The following KITLG variants were observed in gnomAD, a reference collection of about 807,000 sequenced individuals.
KITLG encodes c-Kit ligand.
Under a neutral mutation model 34.1 loss-of-function variants are expected in KITLG, and 13 were observed. That is an observed-to-expected ratio of 0.38 (90% CI 0.25 to 0.61). The LOEUF (loss-of-function observed/expected upper bound fraction) is 0.61. Among genes scored for constraint, KITLG ranks in the 20% least tolerant of loss-of-function variants. The probability of loss-of-function intolerance (pLI) is 0.60; values close to 1 mark genes in which losing one functional copy is unlikely to be tolerated. For synonymous variants in KITLG, 110 were observed against 104.0 expected (o/e 1.06, Z -0.35); for missense variants, 292 against 318.9 (o/e 0.92, Z 0.64).
At chr12:88,579,973 T>A in intron 1 of KITLG, 1 of 578,620 alleles carries the variant, frequency 1.7e-6, no homozygotes, top group Non-Finnish European at 3.1e-6. Context: ...AAAGCCAATC[T>A]TTCCACCAGA....
chr12:88,543,680 C>G (rs937712800), intron 2 of KITLG, among the ~76,000 whole-genome samples: 1 of 152,148 alleles, frequency 6.6e-6, no homozygotes, highest in Non-Finnish European at 1.5e-5. Context: ...ACTTTGCTTT[C>G]CCCGCCCTTC....
intron 1 of KITLG, among the ~76,000 whole-genome samples, chr12:88,565,930 C>CA (rs1427931080): frequency 6.6e-6 from 1 of 152,112 alleles, no homozygotes; most frequent in Non-Finnish European, 1.5e-5. Context: ...TCATCATCAT[C>CA]AACAATATTC....
chr12:88,521,183 T>G (rs1349545211), intron 3 of KITLG, among the ~76,000 whole-genome samples: 3 of 152,200 alleles, frequency 2.0e-5, no homozygotes, highest in Non-Finnish European at 4.4e-5. Context: ...TATATTGGCT[T>G]TTTAAGATTC....
intron 2 of KITLG, among the ~76,000 whole-genome samples, chr12:88,541,478 G>T (rs192580639): frequency 6.6e-6 from 1 of 152,112 alleles, no homozygotes; most frequent in Non-Finnish European, 1.5e-5. Context: ...CACAAACAAA[G>T]AGAAGAGTAG....
chr12:88,502,944 T>A (rs563598081), intron 9 of KITLG, among the ~76,000 whole-genome samples: 49 of 151,740 alleles, frequency 3.2e-4, no homozygotes, highest in African/African-American at 1.1e-3. Context: ...ATCTTATGGT[T>A]CAAAGGCAAA....
intron 3 of KITLG, among the ~76,000 whole-genome samples, chr12:88,526,803 T>C (rs1460859352): frequency 6.6e-6 from 1 of 150,872 alleles, no homozygotes; most frequent in African/African-American, 2.4e-5. Context: ...AGCAAGGAAC[T>C]GGTAACGATA....
At chr12:88,524,746 C>CA (rs1869803227) in intron 3 of KITLG, among the ~76,000 whole-genome samples, 1 of 152,096 alleles carries the variant, frequency 6.6e-6, no homozygotes, top group African/African-American at 2.4e-5. Context: ...GTACAGTATA[C>CA]AAAAGAACTA....
At position 88,545,742 on chromosome 12, in the gene KITLG, CCTTA is replaced by C. The variant is rs771842208; in HGVS notation, c.129+6_129+9del. On this transcript the variant is annotated splice_donor_region_variant and intron_variant, in intron 2 of 9. Coordinates refer to ENST00000644744, the MANE Select transcript of KITLG (RefSeq NM_000899.5). ...TTTTTACACAGCACGGTAAAGCATT[CCTTA>C]CTTACCAATTTAGTGACGTCTTTTA... is the stretch of plus-strand genomic sequence containing the variant. 1.4e-6 allele frequency: 2 copies of C among 1,449,780 alleles called. No homozygotes were observed. Among genetic ancestry groups the C allele is most frequent in the East Asian group, 2.3e-5 (1 of 44,058 alleles). 89.8% of individuals were successfully genotyped at this position (1,449,780 alleles called of 1,614,324 possible).
chr12:88,497,728 G>T (rs1868696875), intron 9 of KITLG, among the ~76,000 whole-genome samples: 1 of 152,164 alleles, frequency 6.6e-6, no homozygotes, highest in East Asian at 1.9e-4. Context: ...AGATGGAGTA[G>T]CATGAAAGAG....
At chr12:88,524,671 G>A (rs1254993660) in intron 3 of KITLG, among the ~76,000 whole-genome samples, 1 of 151,854 alleles carries the variant, frequency 6.6e-6, no homozygotes, top group Non-Finnish European at 1.5e-5. Context: ...GAGAATAATG[G>A]CCTAGATAAT....
rs572853200 is a variant in KITLG, at chr12:88,573,520, ATT to A, written c.15+6742_15+6743del. On this transcript the variant is annotated intron_variant, in intron 1 of 9. Coordinates refer to ENST00000644744, the MANE Select transcript of KITLG (RefSeq NM_000899.5). ...TGAAACAAGCCAATAATGAGATGCA[ATT>A]CAGCCCTGGAGCAGAGTGAAGACAT... Among the ~76,000 whole-genome samples, 403 of 152,314 alleles carry A rather than the reference ATT, an allele frequency of 2.6e-3. 3 individuals are homozygous for A. Among genetic ancestry groups the A allele is most frequent in the African/African-American group, 9.1e-3 (380 of 41,568 alleles).
At chr12:88,528,704 CATA>C (rs1869969589) in intron 3 of KITLG, among the ~76,000 whole-genome samples, 1 of 152,058 alleles carries the variant, frequency 6.6e-6, no homozygotes. Context: ...AGTTCAGAAA[CATA>C]ATAAAACACA....
chr12:88,541,730 C>A (rs189230430), intron 2 of KITLG, among the ~76,000 whole-genome samples: 1 of 152,186 alleles, frequency 6.6e-6, no homozygotes, highest in African/African-American at 2.4e-5. Context: ...AATAGATGAA[C>A]TATTATGCTT....
At chr12:88,542,464 A>C (rs967860005) in intron 2 of KITLG, among the ~76,000 whole-genome samples, 2 of 152,170 alleles carry the variant, frequency 1.3e-5, no homozygotes, top group Non-Finnish European at 2.9e-5. Flanking sequence ...TATTAAAAAA[A>C]CCTAGTATTC....
At chr12:88,529,453 C>T (rs1869999208) in intron 3 of KITLG, among the ~76,000 whole-genome samples, 1 of 152,120 alleles carries the variant, frequency 6.6e-6, no homozygotes, top group South Asian at 2.1e-4. Flanking sequence ...GTTGATCACA[C>T]CCTGCTATTT....
intron 2 of KITLG, among the ~76,000 whole-genome samples, chr12:88,540,484 A>G (rs1566028041): frequency 6.6e-6 from 1 of 152,072 alleles, no homozygotes; most frequent in South Asian, 2.1e-4. Flanking sequence ...GTGTCTGTGT[A>G]CTCATAACTA....
intron 3 of KITLG, among the ~76,000 whole-genome samples, chr12:88,527,397 A>G (rs1869914158): frequency 6.6e-6 from 1 of 152,238 alleles, no homozygotes; most frequent in African/African-American, 2.4e-5. Flanking sequence ...AGGCAAAAAA[A>G]GATGAGAATA....
chr12:88,535,632 T>C (rs375395085), intron 2 of KITLG, among the ~76,000 whole-genome samples: 32 of 152,298 alleles, frequency 2.1e-4, no homozygotes, highest in Non-Finnish European at 4.3e-4. Context: ...GAAGAGAACT[T>C]AGAAAGTCAA....
At chr12:88,528,345 C>T (rs972359385) in intron 3 of KITLG, among the ~76,000 whole-genome samples, 3 of 152,068 alleles carry the variant, frequency 2.0e-5, no homozygotes, top group Non-Finnish European at 4.4e-5. Flanking sequence ...TCTATAAATC[C>T]TTAATTTAAT....
Sources: allele counts gnomAD v4.1 joint callset (sites outside exome capture counted in the v4.1 genomes callset), GRCh38; gene constraint gnomAD v4.1.1; transcripts MANE v1.5; gene names NCBI Gene and HGNC (gene_info 2026-07-23, HGNC 2026-07-21).